The following ERBIN variants were observed in gnomAD, a reference collection of about 807,000 sequenced individuals.
The protein encoded by ERBIN is erbb2 interacting protein, also known as densin-180-like protein.
Under a neutral mutation model 158.4 loss-of-function variants are expected in ERBIN, and 60 were observed. The observed-to-expected ratio is 0.38, with a 90% CI of 0.31 to 0.47. The LOEUF is 0.47. Ranked by LOEUF, ERBIN falls within the 20% of genes least tolerant of loss-of-function variation. ERBIN has a pLI of 0.99. For missense variants in ERBIN, 1,610 were observed against 1,648.0 expected (o/e 0.98, Z 0.40); for synonymous variants, 594 against 557.2 (o/e 1.07, Z -0.93).
chr5:65,932,829 CTG>C (rs1454654169), intron 1 of ERBIN, among the ~76,000 whole-genome samples: 5 of 152,134 alleles, frequency 3.3e-5, no homozygotes, highest in Non-Finnish European at 7.4e-5. Flanking sequence ...CAGGATCTCA[CTG>C]TGTTGCCCAG....
rs747603793 is a variant in ERBIN, at chr5:65,940,484, C to A, written c.-58+13678C>A. Among the ~76,000 whole-genome samples, 18 of 132,158 alleles carry A rather than the reference C, an allele frequency of 1.4e-4. 1 individual carries two copies. Among genetic ancestry groups the A allele is most frequent in the Non-Finnish European group, 1.5e-4 (9 of 61,112 alleles). 86.7% of individuals were successfully genotyped at this position (132,158 alleles called of 152,430 possible). On this transcript the variant is annotated intron_variant, in intron 1 of 25. Transcript: ENST00000284037. ...GGAGGTGGGGGGGTCAGTCCCCCCC[C>A]CCCCGGCCAGCCGCCCCGTCTGGGA... is the stretch of plus-strand genomic sequence containing the variant.
At chr5:65,986,308 A>G (rs1751227965) in intron 1 of ERBIN, among the ~76,000 whole-genome samples, 1 of 152,090 alleles carries the variant, frequency 6.6e-6, no homozygotes, top group African/African-American at 2.4e-5. Context: ...TGCTCCTACC[A>G]TGGTCTTACT....
chr5:66,060,345 C>G (rs959753884), intron 21 of ERBIN, among the ~76,000 whole-genome samples: 10 of 152,150 alleles, frequency 6.6e-5, no homozygotes, highest in African/African-American at 2.2e-4. Context: ...TTTTAGTTTT[C>G]TCTGATGGTA....
At position 65,994,802 on chromosome 5, in the gene ERBIN, C is replaced by A; in HGVS notation, c.245C>A (p.Thr82Lys). ...CTGAGTTTGCCAGACAATGATTTAACAACGTTACCAGCATCCATTGCAAAC... is the reference window on the plus strand; with the variant it reads ...CTGAGTTTGCCAGACAATGATTTAAAAACGTTACCAGCATCCATTGCAAAC... ...HKLSLPDNDL[T>K]TLPASIANLI... The change falls in exon 4 of 26, where the codon ACA becomes AAA. Residue 82 changes from threonine to lysine, a missense_variant. Thr to Lys is a moderately conservative substitution (Grantham distance 78, BLOSUM62 -1). Transcript: ENST00000284037. 6.2e-7 allele frequency: 1 copy of A among 1,608,914 alleles called. No individual in the cohort carries two copies. The highest frequency in any genetic ancestry group is 8.5e-7 in the Non-Finnish European group (1 of 1,178,482).
chr5:65,940,629 C>G (rs372436092), intron 1 of ERBIN, among the ~76,000 whole-genome samples: 1 of 19,996 alleles, frequency 5.0e-5, no homozygotes, highest in Non-Finnish European at 1.6e-4. Flanking sequence ...CCAGCCGCCC[C>G]GTCCGGGAGG....
intron 1 of ERBIN, among the ~76,000 whole-genome samples, chr5:65,929,046 C>G (rs189249735): frequency 1.4e-4 from 22 of 152,262 alleles, no homozygotes; most frequent in African/African-American, 5.1e-4. Flanking sequence ...TCAACTGATT[C>G]AAGTAGTACT....
chr5:66,006,744 C>G (rs1300691850), intron 4 of ERBIN, among the ~76,000 whole-genome samples: 1 of 152,088 alleles, frequency 6.6e-6, no homozygotes, highest in African/African-American at 2.4e-5. Context: ...TGAACAGACA[C>G]TTCTCAAAAG....
At chr5:65,992,274 C>T (rs553404564) in intron 2 of ERBIN, among the ~76,000 whole-genome samples, 5 of 152,112 alleles carry the variant, frequency 3.3e-5, no homozygotes, top group African/African-American at 9.6e-5. Context: ...CTCAGCCTCC[C>T]GAGTAGCTGG....
At chr5:65,948,838 G>A (rs945029065) in intron 1 of ERBIN, among the ~76,000 whole-genome samples, 2 of 135,648 alleles carry the variant, frequency 1.5e-5, no homozygotes, top group South Asian at 2.4e-4. Flanking sequence ...ATTTCAGCTC[G>A]CTGCAGCCTC....
chr5:66,041,191 A>C (rs982485243), intron 15 of ERBIN, among the ~76,000 whole-genome samples: 8 of 152,134 alleles, frequency 5.3e-5, no homozygotes, highest in African/African-American at 1.4e-4. Context: ...GGAGCAAAAG[A>C]AAGGTAGTTA....
intron 4 of ERBIN, among the ~76,000 whole-genome samples, chr5:65,998,264 AT>A (rs1752660437): frequency 6.7e-6 from 1 of 149,346 alleles, no homozygotes; most frequent in African/African-American, 2.4e-5. Context: ...ATATATTTAT[AT>A]ATCTCCACTT....
chr5:65,982,025 A>G (rs1750715139), intron 1 of ERBIN, among the ~76,000 whole-genome samples: 1 of 152,216 alleles, frequency 6.6e-6, no homozygotes. Context: ...AGAAATAGTG[A>G]AATCTGAGAT....
rs918218960 is a variant in ERBIN at position 66,038,421 on chromosome 5, A to G, written c.1245A>G (p.Ser415=). The change falls in exon 15 of 26, where the codon TCA becomes TCG. Residue 415 remains serine, a synonymous_variant. Transcript: ENST00000284037. ...TACCTCTTCAAAAAGAAACTGATTC[A>G]GAGACCCAGAAAATGGTGCTTACCA... ...PLIPLQKETD[S]ETQKMVLTNY... 19 of 1,612,200 alleles carry G rather than the reference A, an allele frequency of 1.2e-5. No individual in the cohort carries two copies. The highest frequency in any genetic ancestry group is 1.6e-5 in the Non-Finnish European group (19 of 1,178,854).
intron 21 of ERBIN, among the ~76,000 whole-genome samples, chr5:66,061,063 G>T (rs1283139102): frequency 6.6e-6 from 1 of 152,152 alleles, no homozygotes; most frequent in Non-Finnish European, 1.5e-5. Flanking sequence ...TGTTAGGTCT[G>T]CTTGGTGCAG....
chr5:66,004,401 C>CGT (rs1437655055), intron 4 of ERBIN, among the ~76,000 whole-genome samples: 2 of 151,802 alleles, frequency 1.3e-5, no homozygotes, highest in African/African-American at 4.8e-5. Flanking sequence ...CGCGCGCGTG[C>CGT]GTGTGTGTAT....
intron 19 of ERBIN, among the ~76,000 whole-genome samples, chr5:66,050,046 GA>G (rs889127257): frequency 2.6e-5 from 4 of 152,034 alleles, no homozygotes; most frequent in Admixed American, 2.6e-4. Flanking sequence ...GAGTAGATGG[GA>G]AAAAATTCCA....
chr5:65,932,330 T>A (rs1185843468), intron 1 of ERBIN, among the ~76,000 whole-genome samples: 2 of 129,220 alleles, frequency 1.5e-5, no homozygotes. Flanking sequence ...AGAGCAAGAC[T>A]CCGTCTCAAA....
Position 66,054,965 on chromosome 5 carries a change from AGTTT to A in ERBIN, c.3633+15_3633+18del. 6.5e-7 allele frequency: 1 copy of A among 1,539,440 alleles called. No homozygotes were observed. The highest frequency in any genetic ancestry group is 8.7e-7 in the Non-Finnish European group (1 of 1,144,964). ...AAGTTAGAAAAGGTAATTGAACATG[AGTTT>A]TTCATTATTTTCTTTATGAACTTAA... On this transcript the variant is annotated intron_variant, in intron 21 of 25. Transcript: ENST00000284037.
intron 1 of ERBIN, among the ~76,000 whole-genome samples, chr5:65,974,922 A>C (rs1203849135): frequency 6.6e-6 from 1 of 152,248 alleles, no homozygotes; most frequent in East Asian, 1.9e-4. Flanking sequence ...ATGGAAGCTA[A>C]ATGAAGAAAT....
Sources: gnomAD v4.1 joint callset for allele counts (sites outside exome capture counted in the v4.1 genomes callset) on GRCh38, gnomAD v4.1.1 for gene constraint, MANE v1.5 for transcripts, NCBI Gene and HGNC (gene_info 2026-07-23, HGNC 2026-07-21) for gene names.